The following POM121C variants were observed in gnomAD, a reference collection of about 807,000 sequenced individuals.
The protein encoded by POM121C is nuclear envelope pore membrane protein POM 121C.
POM121C carries 20 observed loss-of-function variants against 66.4 expected under a neutral mutation model. The observed-to-expected ratio is 0.30, with a 90% CI of 0.21 to 0.44. The LOEUF is 0.44. POM121C is among the 20% of genes least tolerant of loss of function. The pLI, the probability that POM121C is intolerant of heterozygous loss-of-function variation, is 1.00. For missense variants in POM121C, 580 were observed against 1,225.7 expected (o/e 0.47, Z 7.87); for synonymous variants, 286 against 528.0 (o/e 0.54, Z 6.28).
chr7:75,425,003 T>G, intron 10 of POM121C, 71 bp downstream of exon 10: 4 of 1,536,698 alleles, frequency 2.6e-6, no homozygotes, highest in Non-Finnish European at 2.6e-6. Context: ...CAGAAGAAAC[T>G]TGTCCTTAGC....
chr7:75,469,743 A>G (rs1337480696), intron 3 of POM121C, among the ~76,000 whole-genome samples: 7 of 152,018 alleles, frequency 4.6e-5, no homozygotes, highest in African/African-American at 1.7e-4. Flanking sequence ...CTCCAGCCTC[A>G]TTGGCTTTTT....
At chr7:75,428,038 T>C (rs1790024238) in intron 7 of POM121C, among the ~76,000 whole-genome samples, 2 of 152,202 alleles carry the variant, frequency 1.3e-5, no homozygotes, top group South Asian at 4.1e-4. Context: ...CAAAAACTCA[T>C]CAAAGGGATC....
chr7:75,430,886 C>A (rs587665549), intron 7 of POM121C, among the ~76,000 whole-genome samples: 1 of 151,958 alleles, frequency 6.6e-6, no homozygotes, highest in Non-Finnish European at 1.5e-5. Context: ...ACCATCCTGG[C>A]TAACATGGTG....
intron 12 of POM121C, 127 bp from the exon 13 acceptor site, chr7:75,423,330 T>G (rs1268959572): frequency 1.2e-6 from 1 of 858,284 alleles, no homozygotes. Flanking sequence ...TAAACTCAGC[T>G]AAGTCTACAC....
chr7:75,484,629 G>A (rs1792440046), intron 1 of POM121C, among the ~76,000 whole-genome samples: 1 of 124,374 alleles, frequency 8.0e-6, no homozygotes, highest in African/African-American at 2.9e-5. Context: ...AGACCACGCT[G>A]TTGCATTCCA....
At chr7:75,461,501 C>T (rs1211387033) in intron 3 of POM121C, among the ~76,000 whole-genome samples, 9 of 152,074 alleles carry the variant, frequency 5.9e-5, no homozygotes, top group African/African-American at 4.8e-5. Context: ...CTGCAACCTC[C>T]GCCTCCTGGG....
At chr7:75,445,185 CTAA>C (rs1258130150) in intron 3 of POM121C, among the ~76,000 whole-genome samples, 2 of 146,686 alleles carry the variant, frequency 1.4e-5, no homozygotes, top group East Asian at 3.9e-4. Flanking sequence ...ACACAAATAC[CTAA>C]TAATATATAC....
chr7:75,428,217 G>C (rs1790033762), intron 7 of POM121C, among the ~76,000 whole-genome samples: 1 of 151,754 alleles, frequency 6.6e-6, no homozygotes, highest in Non-Finnish European at 1.5e-5. Context: ...TCACCTCACT[G>C]CAACCTCCGC....
intron 3 of POM121C, among the ~76,000 whole-genome samples, chr7:75,473,727 C>T (rs1306908361): frequency 2.7e-5 from 4 of 150,402 alleles, no homozygotes; most frequent in South Asian, 2.1e-4. Flanking sequence ...CTCGCTCTGT[C>T]GCCCAGGCTG....
intron 3 of POM121C, among the ~76,000 whole-genome samples, chr7:75,453,321 G>A (rs1165119620): frequency 1.3e-5 from 2 of 149,672 alleles, no homozygotes; most frequent in Non-Finnish European, 3.0e-5. Context: ...GGTGGTTCAC[G>A]CCTATAATCT....
chr7:75,435,842 G>A (rs1285878311), intron 7 of POM121C, among the ~76,000 whole-genome samples: 1 of 152,242 alleles, frequency 6.6e-6, no homozygotes, highest in South Asian at 2.1e-4. Flanking sequence ...CTGAGGTCAT[G>A]AGTTCCAGGC....
chr7:75,433,139 G>A (rs1790248830), intron 7 of POM121C, among the ~76,000 whole-genome samples: 1 of 140,932 alleles, frequency 7.1e-6, no homozygotes, highest in African/African-American at 2.5e-5. Flanking sequence ...GGAGGCTGAG[G>A]CAAGAGAATC....
Position 75,441,625 on chromosome 7 carries a change from G to C in POM121C, c.-129C>G. ...CGTCTTCGAGGTGTTATTACAAACCGATCTGGTAAAGTCCCACGATCCCTG... is the reference window on the plus strand; with the variant it reads ...CGTCTTCGAGGTGTTATTACAAACCCATCTGGTAAAGTCCCACGATCCCTG... On this transcript the variant is annotated 5_prime_UTR_variant, in exon 4 of 15. It adds an upstream start codon to the 5' untranslated region. Coordinates refer to ENST00000615331, the MANE Select transcript of POM121C (RefSeq NM_001099415.3). The C allele has an allele frequency of 6.4e-7, 1 of 1,563,620 alleles. No individual in the cohort carries two copies. Among genetic ancestry groups the C allele is most frequent in the Middle Eastern group, 1.7e-4 (1 of 5,996 alleles).
chr7:75,421,777 C>G lies in POM121C; in HGVS notation c.2475G>C (p.Ser825=), dbSNP rs587682396. 4.4e-6 allele frequency: 7 copies of G among 1,607,572 alleles called. No individual in the cohort carries two copies. The highest frequency in any genetic ancestry group is 1.1e-5 in the South Asian group (1 of 90,868). Reference sequence around the variant, plus strand: ...GTGATGGTGTTGTGCTGCCAAACACCGAGCTGCTGCTCCCGCTGCTGGCGG... The same window carrying G: ...GTGATGGTGTTGTGCTGCCAAACACGGAGCTGCTGCTCCCGCTGCTGGCGG... ...TQTASSGSSS[S]VFGSTTPSPF... Residue 825 remains serine, a synonymous_variant, in exon 13 of 15, where the codon TCG becomes TCC. Transcript: ENST00000615331.
At chr7:75,475,734 A>T (rs1386878750) in intron 1 of POM121C, among the ~76,000 whole-genome samples, 1 of 151,748 alleles carries the variant, frequency 6.6e-6, no homozygotes, top group Non-Finnish European at 1.5e-5. Context: ...CAAACATCTC[A>T]ATCTCACAGC....
At chr7:75,436,143 TTACA>T (rs1790397919) in intron 7 of POM121C, among the ~76,000 whole-genome samples, 1 of 152,076 alleles carries the variant, frequency 6.6e-6, no homozygotes, top group Admixed American at 6.6e-5. Context: ...ATCAAATAGA[TTACA>T]TAAAAAATCC....
At chr7:75,473,998 T>A (rs587662559) in intron 3 of POM121C, among the ~76,000 whole-genome samples, 28 of 152,268 alleles carry the variant, frequency 1.8e-4, no homozygotes, top group African/African-American at 6.7e-4. Context: ...AAGTCCAAGG[T>A]ATTTTTAAAG....
At chr7:75,484,662 C>CAAAAAAAAA (rs10690558) in intron 1 of POM121C, among the ~76,000 whole-genome samples, 2 of 48,670 alleles carry the variant, frequency 4.1e-5, no homozygotes, top group Non-Finnish European at 7.2e-5. Context: ...GACACTGTCT[C>CAAAAAAAAA]AAAAAAAAAA....
At position 75,485,893 on chromosome 7, in the gene POM121C, C is replaced by G. The variant is rs1419577713; in HGVS notation, c.-487G>C. 6.0e-6 allele frequency: 3 copies of G among 503,648 alleles called. No individual in the cohort carries two copies. The highest frequency in any genetic ancestry group is 1.4e-5 in the South Asian group (1 of 69,914). The allele number at this position is 503,648 out of a possible 1,614,324, so 31.2% of individuals were successfully genotyped here. A position where few individuals can be genotyped will look rare whatever the true frequency, so the allele number is the denominator to read the frequency against. ...CTGGGGCTCCGCAGCCTCTGCCCCA[C>G]GGCTCCCGAGAGGCCGGGGCGGGCT... is the stretch of plus-strand genomic sequence containing the variant. On this transcript the variant is annotated 5_prime_UTR_variant, in exon 1 of 15. Transcript: ENST00000615331.
Sources: allele counts gnomAD v4.1 joint callset (sites outside exome capture counted in the v4.1 genomes callset), GRCh38; gene constraint gnomAD v4.1.1; transcripts MANE v1.5; gene names NCBI Gene and HGNC (gene_info 2026-07-23, HGNC 2026-07-21).